PATJ: variants seen among roughly 807,000 people sequenced by gnomAD.
PATJ encodes inaD-like protein.
PATJ carries 190 observed loss-of-function variants against 224.9 expected under a neutral mutation model. That is an observed-to-expected ratio of 0.84 (90% CI 0.75 to 0.95). The LOEUF is 0.95. Ranked by LOEUF, PATJ falls within the 40% of genes least tolerant of loss-of-function variation. The pLI is 0.00. For synonymous variants in PATJ, 769 were observed against 820.3 expected (o/e 0.94, Z 1.07); for missense variants, 2,121 against 2,270.3 (o/e 0.93, Z 1.34).
chr1:61,790,207 GAAAAAAAAA>G (rs35646597), intron 8 of PATJ, among the ~76,000 whole-genome samples: 1 of 114,150 alleles, frequency 8.8e-6, no homozygotes, highest in Non-Finnish European at 1.8e-5. Context: ...CTGTCTCTGA[GAAAAAAAAA>G]AAAAAAAAGA....
chr1:61,848,122 G>A (rs1320886920), intron 17 of PATJ, among the ~76,000 whole-genome samples: 1 of 152,156 alleles, frequency 6.6e-6, no homozygotes, highest in Non-Finnish European at 1.5e-5. Flanking sequence ...TTAAGTTATA[G>A]GATTTTAGAG....
At chr1:62,034,408 A>G (rs1649948525) in intron 29 of PATJ, among the ~76,000 whole-genome samples, 1 of 144,762 alleles carries the variant, frequency 6.9e-6, no homozygotes, top group Admixed American at 7.3e-5. Flanking sequence ...GCGCCACTGC[A>G]CTCCAGCCTG....
At chr1:62,154,649 C>CA (rs61670416) in intron 43 of PATJ, among the ~76,000 whole-genome samples, 68,706 of 131,464 alleles carry the variant, frequency 0.52, 18,276 homozygotes, top group Non-Finnish European at 0.6. Flanking sequence ...CAATCCATCT[C>CA]AAAAAAAAAA....
chr1:61,826,277 A>G (rs368900501), intron 15 of PATJ, among the ~76,000 whole-genome samples: 1 of 150,358 alleles, frequency 6.7e-6, no homozygotes, highest in East Asian at 1.9e-4. Context: ...CCAGCAACCC[A>G]GTGTCCTCTT....
Position 61,833,136 on chromosome 1 carries a change from T to A in PATJ, c.1981-518T>A, listed in dbSNP as rs373237946. The stretch of plus-strand genomic sequence containing the variant: ...CTTGGATTTTTTTTTTCTCACCTTA[T>A]TTTCTAGTAAAGCTTTTCTTGAAAA... On this transcript the variant is annotated intron_variant, in intron 16 of 43. Coordinates refer to ENST00000642238, the MANE Select transcript of PATJ (RefSeq NM_001350145.3). Among the ~76,000 whole-genome samples the A allele has an allele frequency of 1.8e-4, 28 of 152,272 alleles. No homozygotes were observed. In the East Asian group the frequency reaches 5.0e-3, roughly 27 times the overall value.
chr1:61,803,881 T>C (rs1175120793), intron 12 of PATJ, among the ~76,000 whole-genome samples: 1 of 152,206 alleles, frequency 6.6e-6, no homozygotes, highest in Non-Finnish European at 1.5e-5. Context: ...TTGATCATTT[T>C]GTGTAGCCTA....
chr1:62,124,379 G>A (rs11811987), intron 39 of PATJ, among the ~76,000 whole-genome samples: 26,345 of 152,066 alleles, frequency 0.17, 3,746 homozygotes, highest in East Asian at 0.72. Flanking sequence ...CACCAGGCCC[G>A]GCCAAAAGTA....
chr1:61,829,053 C>G (rs976740240), intron 16 of PATJ, among the ~76,000 whole-genome samples: 1 of 152,160 alleles, frequency 6.6e-6, no homozygotes, highest in African/African-American at 2.4e-5. Context: ...TCGGCTATGG[C>G]TGTTTGAGTC....
At chr1:61,767,966 G>A (rs1374272600) in intron 4 of PATJ, among the ~76,000 whole-genome samples, 2 of 151,656 alleles carry the variant, frequency 1.3e-5, no homozygotes, top group South Asian at 2.1e-4. Context: ...CCATTGCGCC[G>A]GGCCAGTTCT....
intron 14 of PATJ, among the ~76,000 whole-genome samples, chr1:61,811,325 T>C (rs1044800454): frequency 6.6e-6 from 1 of 151,896 alleles, no homozygotes; most frequent in African/African-American, 2.4e-5. Context: ...GCCTCCTGGG[T>C]TCAAGCGATT....
chr1:62,042,403 A>G (rs1558083593), intron 30 of PATJ, among the ~76,000 whole-genome samples: 2 of 152,096 alleles, frequency 1.3e-5, no homozygotes, highest in African/African-American at 2.4e-5. Flanking sequence ...CCATTTGCCT[A>G]TGTGGACCCT....
chr1:62,146,638 G>A (rs762450473), intron 41 of PATJ, among the ~76,000 whole-genome samples: 6 of 151,974 alleles, frequency 3.9e-5, no homozygotes, highest in African/African-American at 7.3e-5. Flanking sequence ...TTAGCCAGGC[G>A]TGGTGGCGGG....
At position 61,954,788 on chromosome 1, in the gene PATJ, C is replaced by T. The variant is rs546101214; in HGVS notation, c.3670+26959C>T. On this transcript the variant is annotated intron_variant, in intron 27 of 43. Transcript: ENST00000642238. ...TTTTTTTTTGAGACAGAGTCTCGCTCTGTTGCCCAGGCTGGAGTGCAGTGG... is the reference window on the plus strand; with the variant it reads ...TTTTTTTTTGAGACAGAGTCTCGCTTTGTTGCCCAGGCTGGAGTGCAGTGG... 2.1e-5 allele frequency among the ~76,000 whole-genome samples: 3 copies of T among 140,584 alleles called. 1 individual carries two copies. Among genetic ancestry groups the T allele is most frequent in the African/African-American group, 7.8e-5 (3 of 38,218 alleles). The allele number at this position is 140,584 out of a possible 152,430, so 92.2% of individuals were successfully genotyped here. A position where few individuals can be genotyped will look rare whatever the true frequency, so the allele number is the denominator to read the frequency against.
chr1:62,108,892 T>C (rs994674904), intron 34 of PATJ, among the ~76,000 whole-genome samples: 8 of 152,184 alleles, frequency 5.3e-5, no homozygotes, highest in African/African-American at 1.7e-4. Flanking sequence ...ATACCTGATA[T>C]TTTAAAGATT....
chr1:62,049,069 T>C (rs542118983), intron 30 of PATJ, among the ~76,000 whole-genome samples: 50 of 152,290 alleles, frequency 3.3e-4, no homozygotes, highest in African/African-American at 1.2e-3. Flanking sequence ...CTAAAGTCCA[T>C]GCTGCTTGCT....
chr1:61,812,827 C>T (rs529348668), intron 14 of PATJ, among the ~76,000 whole-genome samples: 1 of 151,940 alleles, frequency 6.6e-6, no homozygotes, highest in South Asian at 2.1e-4. Context: ...CCAGCCTGGG[C>T]AATACAGCGA....
At chr1:61,908,271 C>G in intron 24 of PATJ, 101 bp from the exon 25 acceptor site, 2 of 763,100 alleles carry the variant, frequency 2.6e-6, no homozygotes, top group South Asian at 1.7e-5. Flanking sequence ...TCATTAGACT[C>G]TGGTTGTTCT....
intron 31 of PATJ, among the ~76,000 whole-genome samples, chr1:62,053,282 C>G (rs1653970482): frequency 6.6e-6 from 1 of 152,206 alleles, no homozygotes; most frequent in Non-Finnish European, 1.5e-5. Flanking sequence ...CCTTCCTTAC[C>G]CACCATCTGT....
intron 15 of PATJ, among the ~76,000 whole-genome samples, chr1:61,824,413 G>A (rs1570726166): frequency 7.5e-6 from 1 of 132,606 alleles, no homozygotes; most frequent in Non-Finnish European, 1.6e-5. Context: ...GAAATTTACC[G>A]TTTTAACCTT....
Sources: allele counts gnomAD v4.1 joint callset (sites outside exome capture counted in the v4.1 genomes callset), GRCh38; gene constraint gnomAD v4.1.1; transcripts MANE v1.5; gene names NCBI Gene and HGNC (gene_info 2026-07-23, HGNC 2026-07-21).